The following NRXN1 variants were observed in gnomAD, a reference collection of about 807,000 sequenced individuals.
NRXN1 encodes the protein neurexin-1.
A neutral mutation model predicts 150.9 loss-of-function variants in NRXN1; 39 were observed. The ratio of observed to expected loss-of-function variants is 0.26; its 90% CI spans 0.20 to 0.34. The LOEUF is 0.34. Among genes scored for constraint, NRXN1 ranks in the 10% least tolerant of loss-of-function variants. The pLI is 1.00. For synonymous variants in NRXN1, 924 were observed against 757.0 expected (o/e 1.22, Z -3.62); for missense variants, 1,815 against 1,949.9 (o/e 0.93, Z 1.30).
intron 21 of NRXN1, among the ~76,000 whole-genome samples, chr2:49,949,172 T>C (rs556494568): frequency 2.2e-4 from 34 of 152,080 alleles, no homozygotes; most frequent in Non-Finnish European, 4.6e-4. Flanking sequence ...TCTTAATGAA[T>C]GGTAAGAAGG....
At chr2:50,013,488 G>T (rs935166583) in intron 21 of NRXN1, among the ~76,000 whole-genome samples, 30 of 151,952 alleles carry the variant, frequency 2.0e-4, no homozygotes, top group African/African-American at 6.5e-4. Flanking sequence ...TTTTGTCGTG[G>T]TTTATTATGC....
At chr2:50,209,401 G>C (rs1209575211) in intron 18 of NRXN1, among the ~76,000 whole-genome samples, 2 of 152,120 alleles carry the variant, frequency 1.3e-5, no homozygotes, top group Non-Finnish European at 2.9e-5. Context: ...CCCTTCACAG[G>C]CCTAGTTTCA....
intron 5 of NRXN1, among the ~76,000 whole-genome samples, chr2:50,716,256 C>T (rs1695853383): frequency 6.6e-6 from 1 of 152,088 alleles, no homozygotes; most frequent in African/African-American, 2.4e-5. Flanking sequence ...AGAAGAGAGA[C>T]TGATATAAGA....
intron 16 of NRXN1, among the ~76,000 whole-genome samples, chr2:50,465,933 A>T (rs1229958679): frequency 6.6e-6 from 1 of 151,836 alleles, no homozygotes; most frequent in African/African-American, 2.4e-5. Context: ...ATAGAGACAT[A>T]ATGAGAAATG....
chr2:50,333,134 T>C (rs1424201369), intron 17 of NRXN1, among the ~76,000 whole-genome samples: 1 of 152,182 alleles, frequency 6.6e-6, no homozygotes, highest in Non-Finnish European at 1.5e-5. Flanking sequence ...CTCCTTGATC[T>C]ACTCATCTCT....
intron 17 of NRXN1, among the ~76,000 whole-genome samples, chr2:50,418,432 C>A (rs932274637): frequency 2.6e-5 from 4 of 152,074 alleles, no homozygotes. Context: ...ATGTGTATTA[C>A]AGATCTAACA....
chr2:50,025,386 G>A (rs559276920), intron 21 of NRXN1, among the ~76,000 whole-genome samples: 2 of 152,204 alleles, frequency 1.3e-5, no homozygotes, highest in East Asian at 1.9e-4. Flanking sequence ...TGGCTTATAC[G>A]GCGACAAGGA....
In NRXN1 at chr2:50,338,739, C is replaced by A. The variant is rs113006103; in HGVS notation, c.3365-101769G>T. Among the ~76,000 whole-genome samples the A allele has an allele frequency of 6.6e-4, 100 of 151,646 alleles. 2 individuals are homozygous for A. The highest frequency in any genetic ancestry group is 2.1e-3 in the African/African-American group (88 of 41,362). ...AAAAAAAAGATAAAACAATGTGTTG[C>A]TGCATGCCCCTTCAAAATGTGCTCA... is the stretch of plus-strand genomic sequence containing the variant. On this transcript the variant is annotated intron_variant, in intron 17 of 22. Transcript: ENST00000401669.
At chr2:49,976,677 G>C (rs958243822) in intron 21 of NRXN1, among the ~76,000 whole-genome samples, 3 of 152,078 alleles carry the variant, frequency 2.0e-5, no homozygotes, top group Admixed American at 6.5e-5. Flanking sequence ...AAAGGTTCTG[G>C]CAATCTCTGC....
intron 17 of NRXN1, among the ~76,000 whole-genome samples, chr2:50,246,070 T>C (rs1053576518): frequency 6.6e-6 from 1 of 152,044 alleles, no homozygotes; most frequent in Non-Finnish European, 1.5e-5. Flanking sequence ...AAAGTTTCTA[T>C]AATGACACTT....
At chr2:50,205,102 G>A (rs775981284) in intron 18 of NRXN1, among the ~76,000 whole-genome samples, 6 of 152,056 alleles carry the variant, frequency 3.9e-5, no homozygotes, top group Non-Finnish European at 5.9e-5. Flanking sequence ...CATCTTAGTA[G>A]AGTCACACAC....
At chr2:50,249,051 G>A (rs769428259) in intron 17 of NRXN1, among the ~76,000 whole-genome samples, 7 of 150,740 alleles carry the variant, frequency 4.6e-5, no homozygotes, top group Non-Finnish European at 1.0e-4. Context: ...TAGCTACTTG[G>A]GAGGCTGAAG....
intron 2 of NRXN1, among the ~76,000 whole-genome samples, chr2:50,992,871 G>A (rs1443616431): frequency 1.3e-5 from 2 of 151,866 alleles, no homozygotes; most frequent in Non-Finnish European, 2.9e-5. Flanking sequence ...AACATATGGT[G>A]TTCAATGCAA....
chr2:50,181,567 C>T (rs565856338), intron 18 of NRXN1, among the ~76,000 whole-genome samples: 59 of 152,160 alleles, frequency 3.9e-4, no homozygotes, highest in African/African-American at 1.4e-3. Context: ...CATTGCCTTG[C>T]CTTTCCAATA....
intron 5 of NRXN1, among the ~76,000 whole-genome samples, chr2:50,895,869 C>T (rs369869722): frequency 1.7e-4 from 26 of 152,042 alleles, no homozygotes; most frequent in African/African-American, 5.5e-4. Context: ...CATGAGACAC[C>T]GTGCCTGGCC....
Position 49,918,527 on chromosome 2 carries a change from C to T in NRXN1, c.*3417G>A, listed in dbSNP as rs1367377609. The stretch of plus-strand genomic sequence containing the variant: ...GTATGTGATAGTGTTGGAATTTAAT[C>T]ACAGGTTTACTTAACTTGGATTCCA... On this transcript the variant is annotated 3_prime_UTR_variant, in exon 23 of 23. Transcript: ENST00000401669. 1 of 152,044 alleles carries T rather than the reference C, an allele frequency of 6.6e-6. No individual in the cohort carries two copies. Among genetic ancestry groups the T allele is most frequent in the Non-Finnish European group, 1.5e-5 (1 of 67,986 alleles). The allele number at this position is 152,044 out of a possible 1,614,324, so 9.4% of individuals were successfully genotyped here.
At chr2:50,001,662 C>T (rs562668822) in intron 21 of NRXN1, among the ~76,000 whole-genome samples, 4 of 151,906 alleles carry the variant, frequency 2.6e-5, no homozygotes, top group African/African-American at 4.8e-5. Context: ...AAGGTAAAAA[C>T]GAAATGGGTT....
chr2:50,166,999 A>G (rs1020051030), intron 18 of NRXN1, among the ~76,000 whole-genome samples: 2 of 152,324 alleles, frequency 1.3e-5, no homozygotes, highest in Admixed American at 1.3e-4. Context: ...GTTTACTCAT[A>G]GGCTGATGGC....
intron 5 of NRXN1, among the ~76,000 whole-genome samples, chr2:50,755,590 A>G (rs1283897737): frequency 6.6e-6 from 1 of 151,806 alleles, no homozygotes; most frequent in Non-Finnish European, 1.5e-5. Flanking sequence ...TCCAGGCCCA[A>G]AGATTTATAA....
Sources: gnomAD v4.1 joint callset for allele counts (sites outside exome capture counted in the v4.1 genomes callset) on GRCh38, gnomAD v4.1.1 for gene constraint, MANE v1.5 for transcripts, NCBI Gene and HGNC (gene_info 2026-07-23, HGNC 2026-07-21) for gene names.